Variants in CAMK2D observed in about 807,000 individuals in gnomAD.
CAMK2D encodes the protein calcium/calmodulin-dependent protein kinase type II subunit delta.
A neutral mutation model predicts 84.0 loss-of-function variants in CAMK2D; 37 were observed. That is an observed-to-expected ratio of 0.44 (90% CI 0.34 to 0.58). The LOEUF is 0.58. CAMK2D is among the 20% of genes least tolerant of loss of function. The probability of loss-of-function intolerance (pLI) is 0.02; values close to 1 mark genes in which losing one functional copy is unlikely to be tolerated. For missense variants in CAMK2D, 448 were observed against 652.5 expected (o/e 0.69, Z 3.41); for synonymous variants, 202 against 212.5 (o/e 0.95, Z 0.43).
intron 16 of CAMK2D, among the ~76,000 whole-genome samples, chr4:113,496,076 T>C (rs1281598749): frequency 6.6e-6 from 1 of 152,190 alleles, no homozygotes; most frequent in East Asian, 1.9e-4. Context: ...TCCTGCAAAC[T>C]GTGGCTACAG....
At chr4:113,723,303 C>T (rs2099536682) in intron 2 of CAMK2D, among the ~76,000 whole-genome samples, 1 of 151,310 alleles carries the variant, frequency 6.6e-6, no homozygotes, top group African/African-American at 2.4e-5. Context: ...CGGCTCACTA[C>T]AACCTCCACC....
chr4:113,576,190 C>T (rs965043564), intron 4 of CAMK2D, among the ~76,000 whole-genome samples: 1 of 152,068 alleles, frequency 6.6e-6, no homozygotes, highest in South Asian at 2.1e-4. Flanking sequence ...AATGAGCTGC[C>T]ACGCCTGGCC....
chr4:113,516,023 A>C (rs2098279638), intron 9 of CAMK2D, among the ~76,000 whole-genome samples: 1 of 152,218 alleles, frequency 6.6e-6, no homozygotes, highest in African/African-American at 2.4e-5. Context: ...ACACCACATT[A>C]GTTGCAAAAT....
chr4:113,690,953 T>C (rs2099385368), intron 2 of CAMK2D, among the ~76,000 whole-genome samples: 1 of 152,196 alleles, frequency 6.6e-6, no homozygotes, highest in African/African-American at 2.4e-5. Context: ...ATGAATGCCC[T>C]GAGACCCAAA....
chr4:113,581,513 T>TAAAAAA (rs777730996), intron 4 of CAMK2D, among the ~76,000 whole-genome samples: 4 of 34,290 alleles, frequency 1.2e-4, no homozygotes, highest in African/African-American at 2.5e-4. Flanking sequence ...AACTTTCTCA[T>TAAAAAA]AAAAAAAAAA....
At chr4:113,706,826 T>C (rs2099459109) in intron 2 of CAMK2D, among the ~76,000 whole-genome samples, 2 of 152,172 alleles carry the variant, frequency 1.3e-5, no homozygotes, top group African/African-American at 4.8e-5. Context: ...GACAGTTGCA[T>C]TATCAACCAT....
chr4:113,569,389 A>G (rs1335425879), intron 4 of CAMK2D, among the ~76,000 whole-genome samples: 1 of 152,118 alleles, frequency 6.6e-6, no homozygotes, highest in East Asian at 1.9e-4. Flanking sequence ...TAGGTCTTTG[A>G]TCCATTTTAA....
chr4:113,476,856 T>C (rs934767731), intron 16 of CAMK2D, among the ~76,000 whole-genome samples: 4 of 152,160 alleles, frequency 2.6e-5, no homozygotes, highest in African/African-American at 4.8e-5. Context: ...ATGTGACTCA[T>C]ACAAAGGAAC....
chr4:113,552,943 A>G (rs2098639572), intron 4 of CAMK2D, among the ~76,000 whole-genome samples: 1 of 152,218 alleles, frequency 6.6e-6, no homozygotes. Flanking sequence ...CACCTATTCA[A>G]TTGTGGAAAA....
intron 16 of CAMK2D, among the ~76,000 whole-genome samples, chr4:113,482,239 G>A (rs776627200): frequency 2.0e-5 from 3 of 152,206 alleles, no homozygotes; most frequent in Non-Finnish European, 2.9e-5. Context: ...TCTTAAGTTA[G>A]AGTGATGGCA....
At chr4:113,601,065 A>G (rs1165066953) in intron 4 of CAMK2D, among the ~76,000 whole-genome samples, 1 of 152,218 alleles carries the variant, frequency 6.6e-6, no homozygotes, top group Non-Finnish European at 1.5e-5. Flanking sequence ...TTCTGATATC[A>G]AATAGTATTT....
At chr4:113,515,535 C>G (rs1478357081) in intron 9 of CAMK2D, among the ~76,000 whole-genome samples, 1 of 152,120 alleles carries the variant, frequency 6.6e-6, no homozygotes, top group African/African-American at 2.4e-5. Context: ...AAATTTTATA[C>G]AATCTTTCTC....
At chr4:113,694,886 C>T (rs548596181) in intron 2 of CAMK2D, among the ~76,000 whole-genome samples, 1 of 152,216 alleles carries the variant, frequency 6.6e-6, no homozygotes, top group African/African-American at 2.4e-5. Context: ...TAATATTTCT[C>T]TTATTTCATT....
At chr4:113,618,194 T>C (rs1448634570) in intron 3 of CAMK2D, among the ~76,000 whole-genome samples, 1 of 152,226 alleles carries the variant, frequency 6.6e-6, no homozygotes. Context: ...GAGTTTTCTC[T>C]CTTCAACACT....
chr4:113,619,390 T>C (rs1436649054), intron 3 of CAMK2D, among the ~76,000 whole-genome samples: 1 of 152,180 alleles, frequency 6.6e-6, no homozygotes, highest in Non-Finnish European at 1.5e-5. Flanking sequence ...AATCTGATTA[T>C]TGTCCTTAGG....
chr4:113,756,410 A>T (rs1172278271), intron 2 of CAMK2D, among the ~76,000 whole-genome samples: 3 of 152,056 alleles, frequency 2.0e-5, no homozygotes, highest in African/African-American at 7.2e-5. Context: ...TGGAATTTCA[A>T]ATACAAACAA....
intron 16 of CAMK2D, among the ~76,000 whole-genome samples, chr4:113,467,519 C>T (rs2154114270): frequency 6.6e-6 from 1 of 152,212 alleles, no homozygotes; most frequent in African/African-American, 2.4e-5. Flanking sequence ...CTAACAATGT[C>T]AAGGTCTATA....
At chr4:113,686,326 A>C (rs75684948) in intron 2 of CAMK2D, among the ~76,000 whole-genome samples, 1 of 152,132 alleles carries the variant, frequency 6.6e-6, no homozygotes, top group African/African-American at 2.4e-5. Context: ...CTTTTTCTCA[A>C]TTCTCTGTAA....
At chr4:113,681,750 A>G (rs1027493386) in intron 2 of CAMK2D, among the ~76,000 whole-genome samples, 4 of 152,174 alleles carry the variant, frequency 2.6e-5, no homozygotes, top group African/African-American at 9.7e-5. Flanking sequence ...ATGGATAAAG[A>G]CACCCAGACA....
Sources: allele counts gnomAD v4.1 joint callset (sites outside exome capture counted in the v4.1 genomes callset), GRCh38; gene constraint gnomAD v4.1.1; transcripts MANE v1.5; gene names NCBI Gene and HGNC (gene_info 2026-07-23, HGNC 2026-07-21).